Variants in MYO9B observed in about 807,000 individuals in gnomAD.
MYO9B encodes the protein unconventional myosin-IXb.
MYO9B carries 71 observed loss-of-function variants against 229.5 expected under a neutral mutation model. The observed-to-expected ratio is 0.31, with a 90% CI of 0.26 to 0.38. The LOEUF is 0.38. Among genes scored for constraint, MYO9B ranks in the 10% least tolerant of loss-of-function variants. The probability of loss-of-function intolerance (pLI) is 1.00; values close to 1 mark genes in which losing one functional copy is unlikely to be tolerated. For synonymous variants in MYO9B, 1,185 were observed against 1,235.8 expected (o/e 0.96, Z 0.86); for missense variants, 2,255 against 2,920.5 (o/e 0.77, Z 5.25).
chr19:17,186,577 G>C (rs1056239219), intron 18 of MYO9B, among the ~76,000 whole-genome samples: 2 of 152,086 alleles, frequency 1.3e-5, no homozygotes, highest in Non-Finnish European at 2.9e-5. Context: ...GAGATGCTCC[G>C]TAGTGCACCT....
Position 17,146,155 on chromosome 19 carries a change from GTGGATAGATGGATGGATGGATGGA to G in MYO9B, c.935+670_935+693del, listed in dbSNP as rs1191581696. ...GATGAATAGATTCATGAATGGGTGGGTGGATAGATGGATGGATGGATGGATGGATGGATGGATGGATGGATGGAT... is the reference window on the plus strand; with the variant it reads ...GATGAATAGATTCATGAATGGGTGGGTGGATGGATGGATGGATGGATGGAT... On this transcript the variant is annotated intron_variant, in intron 3 of 39. Coordinates refer to ENST00000682292, the MANE Select transcript of MYO9B (RefSeq NM_004145.4). 1.8e-3 allele frequency among the ~76,000 whole-genome samples: 259 copies of G among 145,964 alleles called. 1 individual carries two copies. Among genetic ancestry groups the G allele is most frequent in the African/African-American group, 6.2e-3 (244 of 39,186 alleles).
In MYO9B at chr19:17,156,169, G is replaced by A. The variant is rs145600131; in HGVS notation, c.1200-740G>A. ...ACAGTGGTTCCTCTGGTGTTGGGGG[G>A]CTCTAGGATCCAGGACTTGGAATGT... On this transcript the variant is annotated intron_variant, in intron 6 of 39. Transcript: ENST00000682292. 4.9e-3 allele frequency among the ~76,000 whole-genome samples: 748 copies of A among 152,238 alleles called. 2 individuals carry two copies. Among genetic ancestry groups the A allele is most frequent in the African/African-American group, 0.017 (722 of 41,546 alleles).
At chr19:17,136,350 C>T (rs931141150) in intron 2 of MYO9B, among the ~76,000 whole-genome samples, 3 of 152,014 alleles carry the variant, frequency 2.0e-5, no homozygotes, top group Non-Finnish European at 4.4e-5. Flanking sequence ...GGGGGTTTCA[C>T]TCCAAATAAC....
intron 18 of MYO9B, 109 bp from the exon 19 acceptor site, chr19:17,187,826 G>C (rs532426461): frequency 5.9e-6 from 5 of 850,338 alleles, no homozygotes; most frequent in African/African-American, 1.7e-5. Flanking sequence ...GGCAGTGGTC[G>C]CATGGGGAAG....
chr19:17,090,302 C>T (rs2057625508), intron 1 of MYO9B, among the ~76,000 whole-genome samples: 1 of 151,984 alleles, frequency 6.6e-6, no homozygotes, highest in Non-Finnish European at 1.5e-5. Flanking sequence ...CACCACCACA[C>T]CTGGCTAATT....
chr19:17,168,144 C>T, intron 11 of MYO9B, 80 bp downstream of exon 11: 2 of 1,542,668 alleles, frequency 1.3e-6, no homozygotes, highest in Non-Finnish European at 8.8e-7. Context: ...AGAGCCTTAC[C>T]CCAAATCCAG....
At chr19:17,203,864 C>T (rs778257968) in intron 30 of MYO9B, among the ~76,000 whole-genome samples, 2 of 152,074 alleles carry the variant, frequency 1.3e-5, no homozygotes, top group Non-Finnish European at 2.9e-5. Context: ...CCCCTCCTTC[C>T]CCAGGCTCCT....
chr19:17,143,736 CGTG>C (rs765141585), intron 2 of MYO9B, among the ~76,000 whole-genome samples: 1 of 152,026 alleles, frequency 6.6e-6, no homozygotes, highest in African/African-American at 2.4e-5. Flanking sequence ...TCCTAGCCAA[CGTG>C]GTGAAACCCC....
rs2057752090 is a variant in MYO9B at position 17,102,247 on chromosome 19, C to T, written c.530C>T (p.Thr177Met). The T allele has an allele frequency of 6.2e-7, 1 of 1,614,032 alleles. No individual in the cohort carries two copies. Among genetic ancestry groups the T allele is most frequent in the Non-Finnish European group, 8.5e-7 (1 of 1,179,900 alleles). Residue 177 changes from threonine to methionine, a missense_variant, in exon 2 of 40, where the codon ACG becomes ATG. Thr to Met is a moderately conservative substitution (Grantham distance 81, BLOSUM62 -1). Around this residue, in one of 7 missense-constraint regions of MYO9B, gnomAD observed 386 missense variants for 515.2 expected, o/e 0.75. Coordinates refer to ENST00000682292, the MANE Select transcript of MYO9B (RefSeq NM_004145.4). ...KHRFLQQKIY[T>M]YAGSILVAIN... ...CGCTTCCTGCAACAAAAGATCTACA[C>T]GTACGCGGGGAGCATCCTGGTGGCC...
At position 17,200,421 on chromosome 19, in the gene MYO9B, T is replaced by C. The variant is rs1464266380; in HGVS notation, c.4367T>C (p.Leu1456Pro). ...GAAGCCACCACCATGAAGAAGGGCC[T>C]GGAAGGTTGGTAGCCTGCAGCCTCA... ...VLEATTMKKGLEAPSGQQHRH... is the reference protein window; with the variant it reads ...VLEATTMKKGPEAPSGQQHRH... The change falls in exon 25 of 40, where the codon CTG becomes CCG. Residue 1456 changes from leucine (L) to proline (P), a missense_variant. By Grantham distance (98) the Leu-to-Pro change is moderately conservative (BLOSUM62 -3). Coordinates refer to ENST00000682292, the MANE Select transcript of MYO9B (RefSeq NM_004145.4). 2 of 1,575,612 alleles carry C rather than the reference T, an allele frequency of 1.3e-6. No individual in the cohort carries two copies. The highest frequency in any genetic ancestry group is 1.7e-6 in the Non-Finnish European group (2 of 1,160,096).
At position 17,198,171 on chromosome 19, in the gene MYO9B, C is replaced by T. The variant is rs1456958343; in HGVS notation, c.4114-13C>T. 1 of 1,613,572 alleles carries T rather than the reference C, an allele frequency of 6.2e-7. No individual in the cohort carries two copies. The highest frequency in any genetic ancestry group is 8.5e-7 in the Non-Finnish European group (1 of 1,179,844). ...GCCTTTCCTTAGCAGCCCCCCACTG[C>T]ACCGTCTTGCAGCCTGCAGCAGAAA... On this transcript the variant is annotated splice_polypyrimidine_tract_variant and intron_variant, in intron 23 of 39. Coordinates refer to ENST00000682292, the MANE Select transcript of MYO9B (RefSeq NM_004145.4).
Position 17,181,120 on chromosome 19 carries a change from T to A in MYO9B, c.2333+80T>A. On this transcript the variant is annotated intron_variant, in intron 15 of 39. Transcript: ENST00000682292. Reference sequence around the variant, plus strand: ...CCTGCGACCCCGGCGGGGCCTGCAGTCTTCCTAATTTGCATCGGCCACTAA... The same window carrying A: ...CCTGCGACCCCGGCGGGGCCTGCAGACTTCCTAATTTGCATCGGCCACTAA... The A allele has an allele frequency of 3.1e-6, 3 of 979,922 alleles. 1 individual carries two copies. The Admixed American group carries it at 7.2e-5, about 24-fold the overall frequency. 60.7% of individuals were successfully genotyped at this position (979,922 alleles called of 1,614,324 possible). A position where few individuals can be genotyped will look rare whatever the true frequency, so the allele number is the denominator to read the frequency against.
At chr19:17,092,168 G>A (rs1252695873) in intron 1 of MYO9B, among the ~76,000 whole-genome samples, 1 of 152,204 alleles carries the variant, frequency 6.6e-6, no homozygotes, top group African/African-American at 2.4e-5. Flanking sequence ...CTGGCTTCTC[G>A]CTCAGAGCTG....
intron 3 of MYO9B, among the ~76,000 whole-genome samples, chr19:17,146,879 G>A (rs1334592433): frequency 6.6e-6 from 1 of 152,192 alleles, no homozygotes. Flanking sequence ...ATTTGTAAAG[G>A]TCCCAGGATT....
At chr19:17,174,310 C>T (rs372113352) in intron 13 of MYO9B, among the ~76,000 whole-genome samples, 2 of 152,020 alleles carry the variant, frequency 1.3e-5, no homozygotes, top group South Asian at 2.1e-4. Context: ...GGATTACAGG[C>T]GTGAGCCACC....
chr19:17,195,065 C>T lies in MYO9B; in HGVS notation c.3638C>T (p.Thr1213Ile), dbSNP rs996333478. The change falls in exon 22 of 40, where the codon ACA (threonine) becomes ATA (isoleucine). Residue 1213 changes from threonine to isoleucine, a missense_variant. Around this residue, in one of 7 missense-constraint regions of MYO9B, gnomAD observed 679 missense variants for 770.2 expected, o/e 0.88. Coordinates refer to ENST00000682292, the MANE Select transcript of MYO9B (RefSeq NM_004145.4). This position sits in a 1 kb window ranked among gnomAD's most constrained non-coding sequence, Gnocchi z 4.5. ...GTCGTAGAGACGGAGGCTGAGAACACATCTCAAAAGCAGCCCACAGAGCAA... is the reference window on the plus strand; with the variant it reads ...GTCGTAGAGACGGAGGCTGAGAACATATCTCAAAAGCAGCCCACAGAGCAA... ...LLVVETEAEN[T>I]SQKQPTEQPQ... The T allele has an allele frequency of 2.0e-5, 33 of 1,612,888 alleles. No homozygotes were observed. Among genetic ancestry groups the T allele is most frequent in the Non-Finnish European group, 2.5e-5 (30 of 1,179,872 alleles).
intron 1 of MYO9B, among the ~76,000 whole-genome samples, chr19:17,092,796 A>G (rs976140324): frequency 6.6e-6 from 1 of 151,320 alleles, no homozygotes; most frequent in African/African-American, 2.4e-5. Flanking sequence ...ATGTGCATGC[A>G]TGTGAGTGTG....
At chr19:17,080,696 C>T (rs531924012) in intron 1 of MYO9B, among the ~76,000 whole-genome samples, 28 of 152,098 alleles carry the variant, frequency 1.8e-4, no homozygotes, top group African/African-American at 6.7e-4. Flanking sequence ...AGCAAGATCC[C>T]ATCTCTACAA....
intron 1 of MYO9B, among the ~76,000 whole-genome samples, chr19:17,083,453 C>T (rs2057553278): frequency 6.6e-6 from 1 of 152,154 alleles, no homozygotes; most frequent in Admixed American, 6.5e-5. Context: ...TCCCCGGCCT[C>T]CACCCTTCAG....
Sources: allele counts gnomAD v4.1 joint callset (sites outside exome capture counted in the v4.1 genomes callset), GRCh38; gene constraint gnomAD v4.1.1; regional missense constraint gnomAD v4.1.1; non-coding constraint Gnocchi (gnomAD v3.1); transcripts MANE v1.5; gene names NCBI Gene and HGNC (gene_info 2026-07-23, HGNC 2026-07-21).